CACHD1: variants seen among roughly 807,000 people sequenced by gnomAD.
The protein encoded by CACHD1 is cache domain containing 1.
Under a neutral mutation model 138.7 loss-of-function variants are expected in CACHD1, and 71 were observed. The observed-to-expected ratio is 0.51, with a 90% CI of 0.42 to 0.62. The LOEUF (loss-of-function observed/expected upper bound fraction) is 0.62. CACHD1 is among the 20% of genes least tolerant of loss of function. The pLI is 0.00. For missense variants in CACHD1, 1,389 were observed against 1,625.3 expected (o/e 0.85, Z 2.50); for synonymous variants, 578 against 591.5 (o/e 0.98, Z 0.33).
chr1:64,606,619 G>A (rs1647349880), intron 4 of CACHD1, among the ~76,000 whole-genome samples: 1 of 152,176 alleles, frequency 6.6e-6, no homozygotes, highest in Non-Finnish European at 1.5e-5. Context: ...CGGTTAAAAG[G>A]TTTACTGAGC....
intron 1 of CACHD1, among the ~76,000 whole-genome samples, chr1:64,534,202 C>T (rs1389454198): frequency 6.6e-6 from 1 of 151,992 alleles, no homozygotes; most frequent in African/African-American, 2.4e-5. Context: ...CACCATCATG[C>T]CCAGCTAATT....
At position 64,527,783 on chromosome 1, in the gene CACHD1, T is replaced by G. The variant is rs570724362; in HGVS notation, c.199-22811T>G. Among the ~76,000 whole-genome samples, 5 of 152,356 alleles carry G rather than the reference T, an allele frequency of 3.3e-5. No individual in the cohort carries two copies. In the East Asian group the frequency reaches 9.6e-4, roughly 29 times the overall value. Reference sequence around the variant, plus strand: ...TAGTAGGGGTCAGCAAGTACTGATGTTGATCTGATTGCCAGTACTGTGATC... The same window carrying G: ...TAGTAGGGGTCAGCAAGTACTGATGGTGATCTGATTGCCAGTACTGTGATC... On this transcript the variant is annotated intron_variant, in intron 1 of 26. Coordinates refer to ENST00000651257, the MANE Select transcript of CACHD1 (RefSeq NM_020925.4).
At chr1:64,614,540 C>A (rs1647643016) in intron 4 of CACHD1, among the ~76,000 whole-genome samples, 1 of 152,074 alleles carries the variant, frequency 6.6e-6, no homozygotes, top group African/African-American at 2.4e-5. Flanking sequence ...ATAGGTTACT[C>A]TTGTTTGGTC....
chr1:64,660,260 G>T (rs1649397285), intron 13 of CACHD1, among the ~76,000 whole-genome samples: 2 of 152,082 alleles, frequency 1.3e-5, no homozygotes, highest in Admixed American at 1.3e-4. Context: ...TAGTTTTCTT[G>T]ATGAAAAAGA....
chr1:64,539,456 T>C (rs533571718), intron 1 of CACHD1, among the ~76,000 whole-genome samples: 2 of 152,342 alleles, frequency 1.3e-5, no homozygotes, highest in South Asian at 4.1e-4. Context: ...TTTCCAAAAG[T>C]GCCCCTTATG....
chr1:64,586,425 TAAC>T (rs1647052322), intron 3 of CACHD1, among the ~76,000 whole-genome samples: 1 of 152,212 alleles, frequency 6.6e-6, no homozygotes, highest in South Asian at 2.1e-4. Context: ...TTTTGAATCT[TAAC>T]AACTTCATGT....
At chr1:64,555,702 T>G (rs1174170125) in intron 2 of CACHD1, among the ~76,000 whole-genome samples, 1 of 152,226 alleles carries the variant, frequency 6.6e-6, no homozygotes, top group African/African-American at 2.4e-5. Context: ...ATTACAGGCA[T>G]GAGCCACCCC....
At chr1:64,482,500 G>C (rs1166171543) in intron 1 of CACHD1, among the ~76,000 whole-genome samples, 1 of 152,118 alleles carries the variant, frequency 6.6e-6, no homozygotes, top group Non-Finnish European at 1.5e-5. Context: ...CCTTTCTAGG[G>C]GACTGTTAGT....
At chr1:64,601,000 G>T (rs532948969) in intron 3 of CACHD1, among the ~76,000 whole-genome samples, 1 of 152,328 alleles carries the variant, frequency 6.6e-6, no homozygotes, top group South Asian at 2.1e-4. Flanking sequence ...TGTCTAACAT[G>T]TTGGACAGTG....
intron 6 of CACHD1, 26 bp from the exon 7 acceptor site, chr1:64,634,018 G>GTT (rs764180229): frequency 0.015 from 17,726 of 1,189,132 alleles, 1 homozygote; most frequent in South Asian, 0.031. Flanking sequence ...AAGTTTGGTG[G>GTT]TTTTTTTTTT....
intron 1 of CACHD1, among the ~76,000 whole-genome samples, chr1:64,537,318 C>T (rs772575238): frequency 6.6e-6 from 1 of 152,120 alleles, no homozygotes; most frequent in Non-Finnish European, 1.5e-5. Flanking sequence ...ACCAGCACCT[C>T]TGCAACATAT....
rs1420228451 is a variant in CACHD1 at position 64,537,916 on chromosome 1, C to T, written c.199-12678C>T. Among the ~76,000 whole-genome samples the T allele has an allele frequency of 2.6e-5, 4 of 152,128 alleles. No individual in the cohort carries two copies. In the South Asian group the frequency reaches 6.2e-4, roughly 24 times the overall value. On this transcript the variant is annotated intron_variant, in intron 1 of 26. Coordinates refer to ENST00000651257, the MANE Select transcript of CACHD1 (RefSeq NM_020925.4). ...TGGCAAAGATTTTTTTTTTAACTCC[C>T]CATTTTATGTTTCCTTTATTTTTAA... is the stretch of plus-strand genomic sequence containing the variant.
chr1:64,659,473 T>G (rs527885616), intron 13 of CACHD1, among the ~76,000 whole-genome samples: 1 of 152,276 alleles, frequency 6.6e-6, no homozygotes, highest in East Asian at 1.9e-4. Flanking sequence ...ATTCCTATCT[T>G]CAAAAGGGCT....
At chr1:64,628,582 C>T (rs1286084803) in intron 4 of CACHD1, among the ~76,000 whole-genome samples, 8 of 152,038 alleles carry the variant, frequency 5.3e-5, no homozygotes, top group East Asian at 3.9e-4. Flanking sequence ...GAATGGCAGA[C>T]GCAGGTCAGT....
intron 1 of CACHD1, among the ~76,000 whole-genome samples, chr1:64,472,411 AG>A (rs1308826640): frequency 2.0e-5 from 3 of 152,136 alleles, no homozygotes; most frequent in Non-Finnish European, 4.4e-5. Flanking sequence ...AATTTTTTAA[AG>A]GGTGACATGA....
intron 1 of CACHD1, among the ~76,000 whole-genome samples, chr1:64,512,812 C>T (rs1330741688): frequency 6.6e-6 from 1 of 152,118 alleles, no homozygotes; most frequent in Non-Finnish European, 1.5e-5. Flanking sequence ...TCAGTATATG[C>T]ATGTAAGTTT....
rs542949073 is a variant in CACHD1, at chr1:64,569,149, G to A, written c.262-13007G>A. On this transcript the variant is annotated intron_variant, in intron 2 of 26. Transcript: ENST00000651257. Reference sequence around the variant, plus strand: ...TTGGTCATGCTGGTCTCGAACTCCCGACATCAGGTGATCCACCCACCTCAG... The same window carrying A: ...TTGGTCATGCTGGTCTCGAACTCCCAACATCAGGTGATCCACCCACCTCAG... Among the ~76,000 whole-genome samples the A allele has an allele frequency of 2.3e-4, 35 of 152,088 alleles. No homozygotes were observed. The Middle Eastern group carries it at 0.01, about 44-fold the overall frequency.
chr1:64,686,001 TGCATGTATTC>T (rs1650359252), intron 26 of CACHD1, among the ~76,000 whole-genome samples: 1 of 152,268 alleles, frequency 6.6e-6, no homozygotes, highest in African/African-American at 2.4e-5. Flanking sequence ...TATAAATGAA[TGCATGTATTC>T]ATATGCTTGA....
At chr1:64,583,840 G>A (rs947457190) in intron 3 of CACHD1, among the ~76,000 whole-genome samples, 6 of 152,036 alleles carry the variant, frequency 3.9e-5, no homozygotes, top group Admixed American at 2.0e-4. Flanking sequence ...TCACTGTCAC[G>A]AGAACAGCAC....
Sources: allele counts gnomAD v4.1 joint callset (sites outside exome capture counted in the v4.1 genomes callset), GRCh38; gene constraint gnomAD v4.1.1; transcripts MANE v1.5; gene names NCBI Gene and HGNC (gene_info 2026-07-23, HGNC 2026-07-21).